The following BACH1 variants were observed in gnomAD, a reference collection of about 807,000 sequenced individuals.
The protein encoded by BACH1 is transcription regulator protein BACH1.
A neutral mutation model predicts 52.9 loss-of-function variants in BACH1; 35 were observed. The ratio of observed to expected loss-of-function variants is 0.66; its 90% CI spans 0.51 to 0.88. The LOEUF is 0.88. BACH1 is among the 40% of genes least tolerant of loss of function. The pLI is 0.00. For synonymous variants in BACH1, 321 were observed against 319.6 expected (o/e 1.00, Z -0.05); for missense variants, 808 against 872.6 (o/e 0.93, Z 0.93).
chr21:29,326,746 C>G lies in BACH1; in HGVS notation c.922C>G (p.Pro308Ala). 1 of 1,614,038 alleles carries G rather than the reference C, an allele frequency of 6.2e-7. No homozygotes were observed. The highest frequency in any genetic ancestry group is 8.5e-7 in the Non-Finnish European group (1 of 1,180,040). ...QCPTEKSEVT[P>A]FPHNSSIDPH... is the part of the protein sequence containing the mutation. ...CCCAACTGAAAAATCAGAAGTGACTCCTTTCCCCCACAATTCTTCCATAGA... is the reference window on the plus strand; with the variant it reads ...CCCAACTGAAAAATCAGAAGTGACTGCTTTCCCCCACAATTCTTCCATAGA... Residue 308 changes from proline to alanine, a missense_variant, in exon 3 of 5, where the codon CCT becomes GCT. Physicochemically the swap from Pro to Ala is conservative, Grantham distance 27. Transcript: ENST00000286800.
chr21:29,304,851 C>T (rs1049911724), intron 1 of BACH1, among the ~76,000 whole-genome samples: 3 of 152,186 alleles, frequency 2.0e-5, no homozygotes, highest in Non-Finnish European at 2.9e-5. Context: ...AGTGTGCCAG[C>T]GTCTTTCAGA....
intron 4 of BACH1, among the ~76,000 whole-genome samples, chr21:29,337,663 C>T (rs575217246): frequency 3.3e-5 from 5 of 152,162 alleles, no homozygotes; most frequent in African/African-American, 1.2e-4. Context: ...AACACTTGGA[C>T]ACAGGGTGGG....
At chr21:29,315,255 C>T (rs777562834) in intron 1 of BACH1, among the ~76,000 whole-genome samples, 8 of 152,100 alleles carry the variant, frequency 5.3e-5, no homozygotes, top group Non-Finnish European at 7.3e-5. Flanking sequence ...CTTTGGGTAT[C>T]TTAGGTGTAT....
At chr21:29,328,955 A>G (rs1569017019) in intron 3 of BACH1, among the ~76,000 whole-genome samples, 1 of 152,164 alleles carries the variant, frequency 6.6e-6, no homozygotes, top group Non-Finnish European at 1.5e-5. Context: ...TCATCCATCC[A>G]TGGACATTTA....
At chr21:29,332,169 C>T (rs950058760) in intron 4 of BACH1, among the ~76,000 whole-genome samples, 5 of 152,200 alleles carry the variant, frequency 3.3e-5, no homozygotes, top group Middle Eastern at 6.8e-3. Flanking sequence ...CTCCTGACCT[C>T]GTGATCCGCC....
At chr21:29,355,868 C>T (rs1226046490) in intron 2 of BACH1, among the ~76,000 whole-genome samples, 2 of 152,174 alleles carry the variant, frequency 1.3e-5, no homozygotes, top group Non-Finnish European at 2.9e-5. Flanking sequence ...GAAGCCTTTT[C>T]CTGTAAGCGC....
At chr21:29,352,510 T>G (rs2089208899) in intron 2 of BACH1, 1 of 152,122 alleles carries the variant, frequency 6.6e-6, no homozygotes, top group African/African-American at 2.4e-5. Context: ...AAACTTCTAC[T>G]CACACCTCGT....
chr21:29,307,246 G>A (rs1307155531), intron 1 of BACH1, among the ~76,000 whole-genome samples: 1 of 152,304 alleles, frequency 6.6e-6, no homozygotes, highest in Non-Finnish European at 1.5e-5. Context: ...AAGCTGTCCC[G>A]TAGTTAGCTT....
At chr21:29,337,894 A>T (rs979847895) in intron 4 of BACH1, among the ~76,000 whole-genome samples, 17 of 152,122 alleles carry the variant, frequency 1.1e-4, no homozygotes, top group African/African-American at 3.6e-4. Flanking sequence ...ATGCCATTGC[A>T]CTCCAGCCTG....
At chr21:29,342,374 T>C in intron 4 of BACH1, 25 bp from the exon 5 acceptor site, 2 of 1,595,708 alleles carry the variant, frequency 1.3e-6, no homozygotes, top group Non-Finnish European at 1.7e-6. Context: ...CACAAGCCAT[T>C]GTGTTCTCTT....
rs143227772 is a variant in BACH1, at chr21:29,327,227, G to A, written c.1403G>A (p.Ser468Asn). 71 of 1,614,060 alleles carry A rather than the reference G, an allele frequency of 4.4e-5. No individual in the cohort carries two copies. The highest frequency in any genetic ancestry group is 5.8e-5 in the Non-Finnish European group (69 of 1,180,046). Residue 468 changes from serine to asparagine, a missense_variant, in exon 3 of 5, where the codon AGT becomes AAT. Physicochemically the swap from Ser to Asn is conservative, Grantham distance 46. Transcript: ENST00000286800. ...AACTGCCCTTTTATAAGTACTCTGA[G>A]TACTGAAGGCTGTTCAAGCAATTTG... ...SVNCPFISTL[S>N]TEGCSSNLEI...
intron 4 of BACH1, among the ~76,000 whole-genome samples, chr21:29,341,094 ATATTT>A (rs1365999511): frequency 1.3e-5 from 2 of 152,198 alleles, no homozygotes; most frequent in African/African-American, 4.8e-5. Flanking sequence ...AGGCTTTAAA[ATATTT>A]TAGAAATAAC....
In BACH1 at chr21:29,343,099, A is replaced by G. The variant is rs985034620; in HGVS notation, c.*266A>G. ...TCATGTTTTAAAGAATAATAACTCT[A>G]GTAATAACTCTTCCTGCTATTCAGA... On this transcript the variant is annotated 3_prime_UTR_variant, in exon 5 of 5. Coordinates refer to ENST00000286800, the MANE Select transcript of BACH1 (RefSeq NM_001186.4). 4 of 282,210 alleles carry G rather than the reference A, an allele frequency of 1.4e-5. No individual in the cohort carries two copies. The highest frequency in any genetic ancestry group is 6.7e-5 in the East Asian group (1 of 14,892). The allele number at this position is 282,210 out of a possible 1,614,324, so 17.5% of individuals were successfully genotyped here.
rs548294648 is a variant in BACH1 at position 29,329,798 on chromosome 21, T to G, written c.1776+105T>G. ...GTCAGATATAATGCTCAATTACTTA[T>G]TTTAATATGTATCAATTACCATTTT... is the stretch of plus-strand genomic sequence containing the variant. On this transcript the variant is annotated intron_variant, in intron 4 of 4. Coordinates refer to ENST00000286800, the MANE Select transcript of BACH1 (RefSeq NM_001186.4). 37 of 799,914 alleles carry G rather than the reference T, an allele frequency of 4.6e-5. No individual in the cohort carries two copies. In the East Asian group the frequency reaches 1.1e-3, roughly 24 times the overall value. 49.6% of individuals were successfully genotyped at this position (799,914 alleles called of 1,614,324 possible). A position where few individuals can be genotyped will look rare whatever the true frequency, so the allele number is the denominator to read the frequency against.
At chr21:29,357,252 G>T (rs993005605) in intron 2 of BACH1, among the ~76,000 whole-genome samples, 1 of 152,190 alleles carries the variant, frequency 6.6e-6, no homozygotes, top group African/African-American at 2.4e-5. Context: ...TGTTACTGTG[G>T]CATAACCTGC....
intron 1 of BACH1, among the ~76,000 whole-genome samples, chr21:29,311,142 A>C (rs2088716383): frequency 6.6e-6 from 1 of 152,194 alleles, no homozygotes; most frequent in Non-Finnish European, 1.5e-5. Flanking sequence ...GATTTAAATT[A>C]ATATTCACCA....
rs772331744 is a variant in BACH1 at position 29,326,412 on chromosome 21, ACCT to A, written c.593_595del (p.Pro198del). Reference sequence around the variant, plus strand: ...GGTATCAAGGAAATGCAAAAGCCTCACCTCCTCTACAAGACAGTGCCAGTCAGA... The same window carrying A: ...GGTATCAAGGAAATGCAAAAGCCTCACCTCTACAAGACAGTGCCAGTCAGA... On this transcript the variant is annotated inframe_deletion, in exon 3 of 5. Coordinates refer to ENST00000286800, the MANE Select transcript of BACH1 (RefSeq NM_001186.4). 1.4e-5 allele frequency: 23 copies of A among 1,614,168 alleles called. No individual in the cohort carries two copies. The Admixed American group carries it at 1.5e-4, about 11-fold the overall frequency.
intron 4 of BACH1, among the ~76,000 whole-genome samples, chr21:29,338,027 G>A (rs1325663419): frequency 1.3e-5 from 2 of 152,122 alleles, no homozygotes; most frequent in East Asian, 1.9e-4. Flanking sequence ...AAACCTGCAC[G>A]TTGTGCACAT....
At chr21:29,358,774 GAAAGA>G (rs1569028791) in intron 2 of BACH1, among the ~76,000 whole-genome samples, 1 of 72,304 alleles carries the variant, frequency 1.4e-5, no homozygotes, top group Non-Finnish European at 2.9e-5. Context: ...GAAAAGAAAA[GAAAGA>G]AAGAAAGAAA....
Sources: allele counts gnomAD v4.1 joint callset (sites outside exome capture counted in the v4.1 genomes callset), GRCh38; gene constraint gnomAD v4.1.1; transcripts MANE v1.5; gene names NCBI Gene and HGNC (gene_info 2026-07-23, HGNC 2026-07-21).